GPHN: variants seen among roughly 807,000 people sequenced by gnomAD.
GPHN encodes the protein gephyrin.
GPHN carries 17 observed loss-of-function variants against 95.5 expected under a neutral mutation model. The ratio of observed to expected loss-of-function variants is 0.18; its 90% CI spans 0.12 to 0.27. The LOEUF is 0.27. Ranked by LOEUF, GPHN falls within the 10% of genes least tolerant of loss-of-function variation. The pLI, the probability that GPHN is intolerant of heterozygous loss-of-function variation, is 1.00. For synonymous variants in GPHN, 320 were observed against 322.5 expected (o/e 0.99, Z 0.08); for missense variants, 660 against 978.1 (o/e 0.67, Z 4.34).
intron 17 of GPHN, among the ~76,000 whole-genome samples, chr14:67,139,770 C>T (rs1382633155): frequency 6.6e-6 from 1 of 152,094 alleles, no homozygotes; most frequent in East Asian, 1.9e-4. Context: ...TCTCCAGAAG[C>T]CAGAAGCGTA....
intron 9 of GPHN, among the ~76,000 whole-genome samples, chr14:66,975,032 A>G (rs1201131796): frequency 1.3e-5 from 2 of 152,192 alleles, no homozygotes; most frequent in East Asian, 3.8e-4. Flanking sequence ...AGTAGCCATT[A>G]TTATTAAATT....
chr14:67,089,115 ATTTTTTTTTCTTTTTTTCTTTTTT>A lies in GPHN; in HGVS notation c.1237+50_1237+73del, dbSNP rs1401314999. 1.4e-5 allele frequency: 5 copies of A among 363,264 alleles called. 1 individual carries two copies. In the African/African-American group the frequency reaches 1.4e-4, roughly 10 times the overall value. 22.5% of individuals were successfully genotyped at this position (363,264 alleles called of 1,614,324 possible). ...TTTCTTAAACATAATCAGGCACTGT[ATTTTTTTTTCTTTTTTTCTTTTTT>A]TTTTTTTTTTTTTTTTTTTCAAATT... On this transcript the variant is annotated intron_variant, in intron 12 of 22. Transcript: ENST00000478722.
intron 10 of GPHN, among the ~76,000 whole-genome samples, chr14:67,036,344 T>G (rs1295763632): frequency 6.6e-6 from 1 of 151,686 alleles, no homozygotes; most frequent in African/African-American, 2.4e-5. Flanking sequence ...TTGCCACTTC[T>G]TTTTAGTATA....
At chr14:67,144,247 AAAAATATATATATAT>A (rs1446673668) in intron 18 of GPHN, among the ~76,000 whole-genome samples, 8 of 68,528 alleles carry the variant, frequency 1.2e-4, no homozygotes, top group Admixed American at 1.9e-4. Flanking sequence ...AAAAAAAAAA[AAAAATATATATATAT>A]ATATATATAT....
chr14:66,810,592 G>A (rs11158647), intron 3 of GPHN, among the ~76,000 whole-genome samples: 22,299 of 151,890 alleles, frequency 0.15, 3,119 homozygotes, highest in East Asian at 0.43. Context: ...ATATTAATAT[G>A]AAGATGTATT....
At chr14:66,550,966 C>T (rs1431732277) in intron 1 of GPHN, 2 of 152,924 alleles carry the variant, frequency 1.3e-5, no homozygotes, top group African/African-American at 2.4e-5. Flanking sequence ...ACGCCATTCT[C>T]TTGCCTCAGC....
At chr14:66,646,372 G>T (rs1201685939) in intron 1 of GPHN, among the ~76,000 whole-genome samples, 1 of 152,042 alleles carries the variant, frequency 6.6e-6, no homozygotes, top group Non-Finnish European at 1.5e-5. Flanking sequence ...TATTGTTGGT[G>T]GGGATGTAAA....
At chr14:67,689,944 C>CA in the GPHN span, 34,418 of 291,472 alleles carry the variant, frequency 0.12, 1 homozygote, top group South Asian at 0.19. Context: ...GATCCCGTCT[C>CA]AAAAAAAAAA....
At chr14:66,882,016 T>G (rs2063953269) in intron 5 of GPHN, among the ~76,000 whole-genome samples, 1 of 151,898 alleles carries the variant, frequency 6.6e-6, no homozygotes, top group South Asian at 2.1e-4. Flanking sequence ...TCTCAAAGCC[T>G]TTTTAAAAAT....
chr14:67,255,521 C>T, the GPHN span, among the ~76,000 whole-genome samples: 2 of 152,076 alleles, frequency 1.3e-5, no homozygotes, highest in African/African-American at 2.4e-5. Context: ...TTCCTAAATA[C>T]TAAAGAGCCA....
intron 1 of GPHN, among the ~76,000 whole-genome samples, chr14:66,584,784 G>T (rs1406477462): frequency 6.6e-6 from 1 of 152,076 alleles, no homozygotes; most frequent in East Asian, 1.9e-4. Flanking sequence ...GCTGGATTCG[G>T]TTTGCCAGTA....
At chr14:67,012,715 C>G (rs1252134101) in intron 9 of GPHN, among the ~76,000 whole-genome samples, 1 of 152,106 alleles carries the variant, frequency 6.6e-6, no homozygotes, top group South Asian at 2.1e-4. Context: ...TTTAGTCTCA[C>G]AATAATTCTA....
chr14:67,148,047 T>C (rs2081000629), intron 18 of GPHN, among the ~76,000 whole-genome samples: 1 of 152,162 alleles, frequency 6.6e-6, no homozygotes, highest in African/African-American at 2.4e-5. Context: ...TCAAAAAAGT[T>C]ATTAAAAAAG....
chr14:66,959,971 A>G (rs1269159355), intron 8 of GPHN, among the ~76,000 whole-genome samples: 1 of 151,780 alleles, frequency 6.6e-6, no homozygotes, highest in African/African-American at 2.4e-5. Flanking sequence ...TGATCCTCAG[A>G]CTAGATAATG....
the GPHN span, among the ~76,000 whole-genome samples, chr14:67,642,788 A>ATTTT: frequency 2.4e-4 from 8 of 33,718 alleles, no homozygotes; most frequent in East Asian, 2.6e-3. Context: ...ATGTTACTAC[A>ATTTT]TTTTCTTTTT....
chr14:66,625,684 C>T (rs955605469), intron 1 of GPHN, among the ~76,000 whole-genome samples: 4 of 152,142 alleles, frequency 2.6e-5, no homozygotes, highest in Non-Finnish European at 4.4e-5. Context: ...CACAATTTGT[C>T]AGTCTCCATC....
At chr14:67,572,213 CAG>C in the GPHN span, 4 of 1,609,124 alleles carry the variant, frequency 2.5e-6, no homozygotes, top group Non-Finnish European at 3.4e-6. Context: ...AGTGACTACT[CAG>C]AGCCTGAGCA....
rs149436967 is a variant in GPHN at position 66,626,228 on chromosome 14, A to T, written c.65-54879A>T. On this transcript the variant is annotated intron_variant, in intron 1 of 22. Transcript: ENST00000478722. ...TAGCAAGGGCTGAAATTTATGTTCT[A>T]TCTTATAGATAGGAAAAGTAAATGG... 1.6e-4 allele frequency among the ~76,000 whole-genome samples: 24 copies of T among 152,306 alleles called. No homozygotes were observed. In the East Asian group the frequency reaches 4.6e-3, roughly 29 times the overall value.
chr14:67,460,351 G>T, the GPHN span, among the ~76,000 whole-genome samples: 3 of 152,144 alleles, frequency 2.0e-5, no homozygotes, highest in Admixed American at 6.5e-5. Context: ...TGTTATCTGT[G>T]AGGTGTGAAT....
Sources: gnomAD v4.1 joint callset for allele counts (sites outside exome capture counted in the v4.1 genomes callset) on GRCh38, gnomAD v4.1.1 for gene constraint, MANE v1.5 for transcripts, NCBI Gene and HGNC (gene_info 2026-07-23, HGNC 2026-07-21) for gene names.